Variants in ASTN2 observed in about 807,000 individuals in gnomAD.
ASTN2 encodes the protein astrotactin-2.
ASTN2 carries 54 observed loss-of-function variants against 139.8 expected under a neutral mutation model. The ratio of observed to expected loss-of-function variants is 0.39; its 90% confidence interval spans 0.31 to 0.48. The LOEUF (loss-of-function observed/expected upper bound fraction) is 0.48. Ranked by LOEUF, ASTN2 falls within the 20% of genes least tolerant of loss-of-function variation. The probability of loss-of-function intolerance (pLI) is 0.95; values close to 1 mark genes in which losing one functional copy is unlikely to be tolerated. For missense variants in ASTN2, 1,565 were observed against 1,725.1 expected (o/e 0.91, Z 1.64); for synonymous variants, 756 against 719.5 (o/e 1.05, Z -0.81).
Position 117,062,186 on chromosome 9 carries a change from C to T in ASTN2, c.1277-22221G>A, listed in dbSNP as rs769108925. Among the ~76,000 whole-genome samples the T allele has an allele frequency of 1.1e-4, 16 of 152,132 alleles. 1 individual carries two copies. Among genetic ancestry groups the T allele is most frequent in the African/African-American group, 1.7e-4 (7 of 41,424 alleles). On this transcript the variant is annotated intron_variant, in intron 5 of 22. Transcript: ENST00000313400. ...CCTAAATTGAGGCAGCCAAGTGGGC[C>T]GGCCTGCCCTCAACACTGTAACCAT...
At chr9:116,903,568 G>C (rs1167076967) in intron 10 of ASTN2, among the ~76,000 whole-genome samples, 2 of 152,092 alleles carry the variant, frequency 1.3e-5, no homozygotes, top group Non-Finnish European at 2.9e-5. Flanking sequence ...AATAATAACT[G>C]ACACTTCTAT....
chr9:116,779,448 C>T (rs1165793945), intron 13 of ASTN2, among the ~76,000 whole-genome samples: 1 of 152,040 alleles, frequency 6.6e-6, no homozygotes, highest in African/African-American at 2.4e-5. Flanking sequence ...TCCCAGCCTC[C>T]AGGAGCATGA....
intron 3 of ASTN2, among the ~76,000 whole-genome samples, chr9:117,184,922 T>C (rs1415631319): frequency 6.6e-6 from 1 of 152,216 alleles, no homozygotes; most frequent in East Asian, 1.9e-4. Context: ...TCATATATTA[T>C]TGCATTTCAT....
chr9:116,782,154 T>C (rs4837864), intron 13 of ASTN2, among the ~76,000 whole-genome samples: 127,959 of 152,100 alleles, frequency 0.84, 53,982 homozygotes, highest in Middle Eastern at 0.91. Context: ...GAGGAAAAAA[T>C]CATACCATGC....
intron 17 of ASTN2, among the ~76,000 whole-genome samples, chr9:116,648,970 G>A (rs539199620): frequency 1.6e-4 from 25 of 151,954 alleles, no homozygotes; most frequent in African/African-American, 6.0e-4. Context: ...GGAGGCGGAG[G>A]TTGCAGTGAG....
At chr9:116,432,747 C>G (rs913833516) in intron 22 of ASTN2, among the ~76,000 whole-genome samples, 1 of 152,038 alleles carries the variant, frequency 6.6e-6, no homozygotes, top group African/African-American at 2.4e-5. Flanking sequence ...CTGGCCAACA[C>G]GGTGAAGCCC....
chr9:117,180,191 G>A (rs1222181396), intron 3 of ASTN2, among the ~76,000 whole-genome samples: 1 of 152,156 alleles, frequency 6.6e-6, no homozygotes, highest in Non-Finnish European at 1.5e-5. Context: ...CTTTCTGGGA[G>A]GAAGACTATC....
chr9:116,484,311 C>T (rs1463867759), intron 20 of ASTN2, among the ~76,000 whole-genome samples: 2 of 152,166 alleles, frequency 1.3e-5, no homozygotes, highest in Non-Finnish European at 2.9e-5. Context: ...GGGACAATCA[C>T]CAGCCTCCTT....
intron 5 of ASTN2, among the ~76,000 whole-genome samples, chr9:117,070,834 C>T (rs371592065): frequency 0.025 from 3,668 of 149,612 alleles, 70 homozygotes; most frequent in Non-Finnish European, 0.034. Context: ...CTTCACGTAG[C>T]TCTCGAGCCT....
chr9:116,693,675 G>A (rs1860688270), intron 16 of ASTN2, among the ~76,000 whole-genome samples: 1 of 152,216 alleles, frequency 6.6e-6, no homozygotes, highest in Non-Finnish European at 1.5e-5. Flanking sequence ...GGATCATGAA[G>A]GGAGCCAAGA....
intron 5 of ASTN2, among the ~76,000 whole-genome samples, chr9:117,076,511 A>G (rs879324099): frequency 2.0e-5 from 3 of 152,186 alleles, no homozygotes; most frequent in Admixed American, 6.5e-5. Flanking sequence ...TATAATGACA[A>G]GGAGAAACCA....
At position 116,755,078 on chromosome 9, in the gene ASTN2, C is replaced by A. The variant is rs1051572948; in HGVS notation, c.2397-21555G>T. Reference sequence around the variant, plus strand: ...CTGCTCATGCCCCTGCCACCAACTCCGGCTTCTAATTTTTAGTTTCAATAC... The same window carrying A: ...CTGCTCATGCCCCTGCCACCAACTCAGGCTTCTAATTTTTAGTTTCAATAC... On this transcript the variant is annotated intron_variant, in intron 13 of 22. Transcript: ENST00000313400. Among the ~76,000 whole-genome samples the A allele has an allele frequency of 2.0e-5, 3 of 152,262 alleles. No individual in the cohort carries two copies. The South Asian group carries it at 6.2e-4, about 32-fold the overall frequency.
intron 3 of ASTN2, among the ~76,000 whole-genome samples, chr9:117,153,179 C>T (rs893227637): frequency 6.6e-6 from 1 of 151,968 alleles, no homozygotes; most frequent in Non-Finnish European, 1.5e-5. Context: ...TTTCTACTCC[C>T]ACACTTGCAT....
intron 10 of ASTN2, among the ~76,000 whole-genome samples, chr9:116,949,294 T>C (rs1481830267): frequency 6.6e-6 from 1 of 152,170 alleles, no homozygotes; most frequent in Non-Finnish European, 1.5e-5. Context: ...GATATGTCAG[T>C]CCCAGTGCTA....
chr9:116,464,569 G>C (rs955909197), intron 20 of ASTN2, among the ~76,000 whole-genome samples: 2 of 152,152 alleles, frequency 1.3e-5, no homozygotes, highest in African/African-American at 2.4e-5. Context: ...TTCATGTATG[G>C]ATGTTTGTGC....
rs150646221 is a variant in ASTN2 at position 116,456,040 on chromosome 9, T to C, written c.3498-13487A>G. On this transcript the variant is annotated intron_variant, in intron 20 of 22. Coordinates refer to ENST00000313400, the MANE Select transcript of ASTN2 (RefSeq NM_001365068.1). ...AGAGAAATCAGGTAAGAGAAAGAAA[T>C]AATGGGCATCTAAATTGGAAAAAAT... 4.6e-4 allele frequency among the ~76,000 whole-genome samples: 70 copies of C among 151,686 alleles called. No homozygotes were observed. In the East Asian group the frequency reaches 6.8e-3, roughly 15 times the overall value.
intron 20 of ASTN2, among the ~76,000 whole-genome samples, chr9:116,480,068 AAAAG>A (rs1276464214): frequency 3.9e-5 from 6 of 152,090 alleles, no homozygotes; most frequent in African/African-American, 1.4e-4. Context: ...GAAAGAAAGA[AAAAG>A]AGAGAGAGGG....
chr9:117,367,744 A>G (rs981666939), intron 1 of ASTN2, among the ~76,000 whole-genome samples: 1 of 152,166 alleles, frequency 6.6e-6, no homozygotes, highest in Non-Finnish European at 1.5e-5. Context: ...AGAGATATTT[A>G]TCTATAAAAT....
intron 22 of ASTN2, among the ~76,000 whole-genome samples, chr9:116,435,188 C>A (rs1014182703): frequency 6.6e-6 from 1 of 152,140 alleles, no homozygotes; most frequent in African/African-American, 2.4e-5. Context: ...TGGAGTTCAG[C>A]CCTTTCATGT....
Sources: gnomAD v4.1 joint callset for allele counts (sites outside exome capture counted in the v4.1 genomes callset) on GRCh38, gnomAD v4.1.1 for gene constraint, MANE v1.5 for transcripts, NCBI Gene and HGNC (gene_info 2026-07-23, HGNC 2026-07-21) for gene names.